PZP: variants seen among roughly 807,000 people sequenced by gnomAD.
PZP encodes pregnancy zone protein.
PZP carries 150 observed loss-of-function variants against 179.8 expected under a neutral mutation model. The observed-to-expected ratio is 0.83, with a 90% CI of 0.73 to 0.96. The LOEUF is 0.96. PZP is among the 40% of genes least tolerant of loss of function. The pLI, the probability that PZP is intolerant of heterozygous loss-of-function variation, is 0.00. For missense variants in PZP, 1,689 were observed against 1,764.0 expected (o/e 0.96, Z 0.76); for synonymous variants, 624 against 652.3 (o/e 0.96, Z 0.66).
chr12:9,159,976 G>A lies in PZP; in HGVS notation c.3099C>T (p.Thr1033=). ...GGTTCCTGCCATATCGTTCCCCAAAGGTGCTGTAGGAGCCATCTTGGTGTT... is the reference window on the plus strand; with the variant it reads ...GGTTCCTGCCATATCGTTCCCCAAAAGTGCTGTAGGAGCCATCTTGGTGTT... ...NYKHQDGSYS[T]FGERYGRNQG... Residue 1033 remains threonine (T), a synonymous_variant, in exon 25 of 36, where the codon ACC becomes ACT. Transcript: ENST00000261336. 6.2e-7 allele frequency: 1 copy of A among 1,613,950 alleles called. No individual in the cohort carries two copies. Among genetic ancestry groups the A allele is most frequent in the Non-Finnish European group, 8.5e-7 (1 of 1,179,914 alleles).
chr12:9,137,207 A>G, the PZP span, among the ~76,000 whole-genome samples: 4 of 152,122 alleles, frequency 2.6e-5, no homozygotes, highest in Admixed American at 2.6e-4. Context: ...ATTCTTGTGT[A>G]TGGTGTAAGA....
At chr12:9,186,665 G>A (rs899105970) in intron 13 of PZP, among the ~76,000 whole-genome samples, 8 of 152,056 alleles carry the variant, frequency 5.3e-5, no homozygotes, top group African/African-American at 1.9e-4. Flanking sequence ...GGAATACTAT[G>A]CAGCCATAAA....
chr12:9,169,064 G>A (rs1941795574), intron 16 of PZP, 90 bp from the exon 17 acceptor site: 6 of 902,430 alleles, frequency 6.6e-6, no homozygotes, highest in Non-Finnish European at 1.1e-5. Context: ...TGTAATTCCA[G>A]TATCCTTATA....
At chr12:9,175,991 AT>A (rs1310394821) in intron 15 of PZP, among the ~76,000 whole-genome samples, 2 of 152,226 alleles carry the variant, frequency 1.3e-5, no homozygotes, top group African/African-American at 4.8e-5. Flanking sequence ...TTATTCTGTT[AT>A]AAAGATACAT....
intron 25 of PZP, among the ~76,000 whole-genome samples, 181 bp from the exon 26 acceptor site, chr12:9,158,757 C>CTTTTTT (rs60888135): frequency 4.0e-5 from 5 of 125,418 alleles, no homozygotes; most frequent in South Asian, 2.6e-4. Flanking sequence ...CTTTTCTTTT[C>CTTTTTT]TTTTTTTTTT....
chr12:9,177,337 A>G (rs1486619321), intron 15 of PZP, among the ~76,000 whole-genome samples: 1 of 152,172 alleles, frequency 6.6e-6, no homozygotes, highest in Non-Finnish European at 1.5e-5. Flanking sequence ...CCTCCTGCCA[A>G]TAGCTCTCAA....
At chr12:9,167,177 A>G (rs1941645513) in intron 17 of PZP, 1 of 152,192 alleles carries the variant, frequency 6.6e-6, no homozygotes, top group African/African-American at 2.4e-5. Flanking sequence ...TGAAATATCT[A>G]AAAGGATGAT....
the PZP span, among the ~76,000 whole-genome samples, chr12:9,139,217 A>C: frequency 6.6e-6 from 1 of 151,936 alleles, no homozygotes; most frequent in Non-Finnish European, 1.5e-5. Context: ...TTTAATATCT[A>C]TGTATTTTTT....
At chr12:9,150,805 G>A in intron 33 of PZP, 59 bp from the exon 34 acceptor site, 2 of 1,037,646 alleles carry the variant, frequency 1.9e-6, no homozygotes, top group Non-Finnish European at 1.5e-6. Context: ...TCTCCCATGA[G>A]CAAAACATAT....
chr12:9,142,393 A>G, the PZP span, among the ~76,000 whole-genome samples: 2 of 152,190 alleles, frequency 1.3e-5, no homozygotes, highest in Non-Finnish European at 2.9e-5. Context: ...TTGACACCTA[A>G]TAGTATTTGG....
At chr12:9,157,125 C>T in intron 28 of PZP, 50 bp downstream of exon 28, 1 of 1,554,940 alleles carries the variant, frequency 6.4e-7, no homozygotes, top group East Asian at 2.3e-5. Flanking sequence ...GTTCCCCTCC[C>T]TGTGTCTATG....
chr12:9,145,634 A>G (rs1489864315), downstream of PZP, among the ~76,000 whole-genome samples: 3 of 152,158 alleles, frequency 2.0e-5, no homozygotes, highest in Non-Finnish European at 4.4e-5. Context: ...GCCTTTGCCA[A>G]TCAGTTTCAT....
chr12:9,203,702 C>A, intron 2 of PZP, 66 bp downstream of exon 2: 1 of 1,556,302 alleles, frequency 6.4e-7, no homozygotes, highest in South Asian at 1.2e-5. Flanking sequence ...AGCTCCATCA[C>A]CATGACCTAT....
rs1305699685 is a variant in PZP, at chr12:9,160,358, A to C, written c.3005T>G (p.Leu1002Arg). Residue 1002 changes from leucine to arginine, a missense_variant, in exon 24 of 36, where the codon CTG becomes CGG. By Grantham distance (102) the Leu-to-Arg change is moderately radical. Coordinates refer to ENST00000261336, the MANE Select transcript of PZP (RefSeq NM_002864.3). ...GGCCTTGGCCTTGATCTCCTGCGTC[A>C]GCTGCTGGGTTTCATTCAGATAGTT... ...VLNYLNETQQLTQEIKAKAVG... is the reference protein window; with the variant it reads ...VLNYLNETQQRTQEIKAKAVG... The C allele has an allele frequency of 6.2e-7, 1 of 1,614,088 alleles. No homozygotes were observed. Among genetic ancestry groups the C allele is most frequent in the Non-Finnish European group, 8.5e-7 (1 of 1,180,036 alleles).
chr12:9,167,597 T>C (rs1315577197), intron 17 of PZP: 1 of 152,214 alleles, frequency 6.6e-6, no homozygotes, highest in Non-Finnish European at 1.5e-5. Flanking sequence ...GGAAATGGCT[T>C]CATGTTGTTG....
At chr12:9,198,734 A>C (rs758932819) in intron 7 of PZP, among the ~76,000 whole-genome samples, 59 of 152,306 alleles carry the variant, frequency 3.9e-4, no homozygotes, top group African/African-American at 1.4e-3. Flanking sequence ...CTATTTGCAA[A>C]TGGCTCTGAA....
At chr12:9,173,380 T>C (rs1006868109) in intron 15 of PZP, among the ~76,000 whole-genome samples, 3 of 152,036 alleles carry the variant, frequency 2.0e-5, no homozygotes, top group African/African-American at 7.2e-5. Context: ...TAGAAAGATA[T>C]CAAATCAACA....
At chr12:9,177,758 C>G (rs749039508) in intron 15 of PZP, among the ~76,000 whole-genome samples, 1 of 152,212 alleles carries the variant, frequency 6.6e-6, no homozygotes, top group African/African-American at 2.4e-5. Flanking sequence ...TTTCTTCTCA[C>G]TTCCACAACA....
At chr12:9,192,860 T>C in intron 11 of PZP, 121 bp from the exon 12 acceptor site, 1 of 617,374 alleles carries the variant, frequency 1.6e-6, no homozygotes, top group Non-Finnish European at 2.8e-6. Flanking sequence ...CTCTCCCTCA[T>C]ACTGGTCGAC....
Sources: allele counts gnomAD v4.1 joint callset (sites outside exome capture counted in the v4.1 genomes callset), GRCh38; gene constraint gnomAD v4.1.1; transcripts MANE v1.5; gene names NCBI Gene and HGNC (gene_info 2026-07-23, HGNC 2026-07-21).